The following TRPM4 variants were observed in gnomAD, a reference collection of about 807,000 sequenced individuals.
The protein encoded by TRPM4 is transient receptor potential cation channel subfamily M member 4.
Under a neutral mutation model 135.6 loss-of-function variants are expected in TRPM4, and 124 were observed. That is an observed-to-expected ratio of 0.91 (90% CI 0.79 to 1.06). The LOEUF (loss-of-function observed/expected upper bound fraction) is 1.06, where lower values mean the gene tolerates loss of function less well. TRPM4 is among the 50% of genes least tolerant of loss of function. The pLI, the probability that TRPM4 is intolerant of heterozygous loss-of-function variation, is 0.00. For synonymous variants in TRPM4, 745 were observed against 705.6 expected (o/e 1.06, Z -0.88); for missense variants, 1,658 against 1,671.4 (o/e 0.99, Z 0.14).
intron 13 of TRPM4, 60 bp from the exon 14 acceptor site, chr19:49,188,886 C>A: frequency 6.2e-7 from 1 of 1,613,514 alleles, no homozygotes; most frequent in Non-Finnish European, 8.5e-7. Flanking sequence ...TTACCTCTCC[C>A]TTCACACCCT....
intron 20 of TRPM4, among the ~76,000 whole-genome samples, chr19:49,209,729 C>A (rs1004824013): frequency 6.6e-6 from 1 of 150,766 alleles, no homozygotes; most frequent in East Asian, 1.9e-4. Flanking sequence ...TGACCCTTGG[C>A]CCTTCTAAAC....
At chr19:49,179,726 C>T (rs371161581) in intron 9 of TRPM4, among the ~76,000 whole-genome samples, 7 of 152,148 alleles carry the variant, frequency 4.6e-5, no homozygotes, top group East Asian at 1.9e-4. Flanking sequence ...TTCATAGAAT[C>T]GTAGAAAGTC....
chr19:49,199,419 C>T (rs1438530538), intron 17 of TRPM4, among the ~76,000 whole-genome samples: 1 of 152,082 alleles, frequency 6.6e-6, no homozygotes, highest in Admixed American at 6.6e-5. Context: ...CCTCCACGCC[C>T]GGCTAATTTT....
intron 2 of TRPM4, among the ~76,000 whole-genome samples, chr19:49,160,595 T>G (rs530719985): frequency 6.6e-6 from 1 of 151,542 alleles, no homozygotes; most frequent in African/African-American, 2.4e-5. Context: ...AAGTTCAGGG[T>G]GCAGGGAGCA....
At chr19:49,200,588 G>A in intron 18 of TRPM4, 23 bp from the exon 19 acceptor site, 1 of 1,610,148 alleles carries the variant, frequency 6.2e-7, no homozygotes. Context: ...GGCGGGGCCA[G>A]ACTCAGCCAC....
rs189386969 is a variant in TRPM4 at position 49,179,953 on chromosome 19, T to A, written c.1151-1396T>A. ...ATGAAGGGGGTGCCACTATTTCCCA[T>A]TTAATAGATGAGGAAACTGAGGCTC... On this transcript the variant is annotated intron_variant, in intron 9 of 24. Transcript: ENST00000252826. Among the ~76,000 whole-genome samples, 145 of 152,280 alleles carry A rather than the reference T, an allele frequency of 9.5e-4. No homozygotes were observed. The South Asian group carries it at 0.022, about 24-fold the overall frequency.
chr19:49,170,237 G>T (rs1737938049), intron 6 of TRPM4, among the ~76,000 whole-genome samples: 1 of 152,140 alleles, frequency 6.6e-6, no homozygotes. Flanking sequence ...TGCACAGGCT[G>T]GAGTGCAGTG....
At chr19:49,179,102 C>A (rs1259775879) in intron 9 of TRPM4, among the ~76,000 whole-genome samples, 1 of 151,770 alleles carries the variant, frequency 6.6e-6, no homozygotes, top group Non-Finnish European at 1.5e-5. Context: ...GTTGCCCAGG[C>A]TGGAGTGCAA....
intron 2 of TRPM4, among the ~76,000 whole-genome samples, chr19:49,162,702 A>G (rs1388213587): frequency 1.3e-5 from 2 of 152,164 alleles, no homozygotes; most frequent in Non-Finnish European, 2.9e-5. Context: ...TCTACATCCA[A>G]TATGGCAGTC....
chr19:49,197,356 C>CTTTCT (rs1368417862), intron 17 of TRPM4, among the ~76,000 whole-genome samples: 1 of 100,926 alleles, frequency 9.9e-6, no homozygotes, highest in South Asian at 2.9e-4. Flanking sequence ...TTCTTTCTTT[C>CTTTCT]TTTCTTTCTC....
At position 49,211,357 on chromosome 19, in the gene TRPM4, C is replaced by T; in HGVS notation, c.3640+88C>T. 1 of 1,573,494 alleles carries T rather than the reference C, an allele frequency of 6.4e-7. No individual in the cohort carries two copies. The highest frequency in any genetic ancestry group is 8.7e-7 in the Non-Finnish European group (1 of 1,149,086). On this transcript the variant is annotated intron_variant, in intron 24 of 24. Coordinates refer to ENST00000252826, the MANE Select transcript of TRPM4 (RefSeq NM_017636.4). This position sits in a 1 kb window ranked among gnomAD's most constrained non-coding sequence, Gnocchi z 4.8. ...CTCTCTCGGCACCTTTCCAGTGTCC[C>T]TGGGTCACTCTCTTGGTCTCCTTTG...
intron 19 of TRPM4, among the ~76,000 whole-genome samples, chr19:49,201,677 A>T (rs762673140): frequency 1.6e-4 from 24 of 152,186 alleles, no homozygotes; most frequent in Non-Finnish European, 3.1e-4. Context: ...AGCTCACTGC[A>T]ACCTCCACCT....
intron 20 of TRPM4, among the ~76,000 whole-genome samples, chr19:49,202,887 T>C: frequency 7.1e-6 from 1 of 140,638 alleles, no homozygotes; most frequent in Non-Finnish European, 1.5e-5. Flanking sequence ...ACTTCTTTTT[T>C]TTTTTTTTTT....
At chr19:49,158,639 C>CCT (rs1430407144) in intron 2 of TRPM4, 1 of 236,446 alleles carries the variant, frequency 4.2e-6, no homozygotes, top group East Asian at 1.2e-4. Context: ...TGCAAGAAAC[C>CCT]CTCACTCAGC....
rs1600410372 is a variant in TRPM4 at position 49,168,359 on chromosome 19, T to G, written c.548T>G (p.Val183Gly). ...HQMASTGGTKVVAMGVAPWGV... is the reference protein window; with the variant it reads ...HQMASTGGTKGVAMGVAPWGV... Reference sequence around the variant, plus strand: ...ATGGCCAGCACTGGGGGCACCAAGGTGGTGGCCATGGGTGTGGCCCCCTGG... The same window carrying G: ...ATGGCCAGCACTGGGGGCACCAAGGGGGTGGCCATGGGTGTGGCCCCCTGG... The change falls in exon 5 of 25, where the codon GTG becomes GGG. Residue 183 changes from valine to glycine, a missense_variant. By Grantham distance (109) the Val-to-Gly change is moderately radical (BLOSUM62 -3). Coordinates refer to ENST00000252826, the MANE Select transcript of TRPM4 (RefSeq NM_017636.4). 1 of 1,614,038 alleles carries G rather than the reference T, an allele frequency of 6.2e-7. No homozygotes were observed. The highest frequency in any genetic ancestry group is 8.5e-7 in the Non-Finnish European group (1 of 1,180,030).
chr19:49,183,836 T>C (rs1968096862), intron 12 of TRPM4, among the ~76,000 whole-genome samples: 2 of 150,596 alleles, frequency 1.3e-5, no homozygotes, highest in Admixed American at 6.6e-5. Flanking sequence ...TGCAGTGGCA[T>C]GATCTCGGCT....
chr19:49,165,899 G>C (rs1032019451), intron 2 of TRPM4, 142 bp from the exon 3 acceptor site: 5 of 852,178 alleles, frequency 5.9e-6, no homozygotes, highest in Non-Finnish European at 9.0e-6. Context: ...CAGAGCCAGG[G>C]CCAGGGGCAG....
chr19:49,201,188 A>G (rs1968922672), intron 19 of TRPM4, among the ~76,000 whole-genome samples: 1 of 151,702 alleles, frequency 6.6e-6, no homozygotes, highest in African/African-American at 2.4e-5. Context: ...GTCATTTATA[A>G]CCTGACGCGT....
intron 2 of TRPM4, among the ~76,000 whole-genome samples, chr19:49,164,888 A>AATTTT (rs200452646): frequency 8.3e-4 from 126 of 151,714 alleles, no homozygotes; most frequent in South Asian, 2.1e-3. Flanking sequence ...ACACCTGGCT[A>AATTTT]ATTTTATTTT....
Sources: allele counts gnomAD v4.1 joint callset (sites outside exome capture counted in the v4.1 genomes callset), GRCh38; gene constraint gnomAD v4.1.1; non-coding constraint Gnocchi (gnomAD v3.1); transcripts MANE v1.5; gene names NCBI Gene and HGNC (gene_info 2026-07-23, HGNC 2026-07-21).